RARB: variants seen among roughly 807,000 people sequenced by gnomAD.
The protein encoded by RARB is HBV-activated protein.
RARB carries 17 observed loss-of-function variants against 51.9 expected under a neutral mutation model. That is an observed-to-expected ratio of 0.33 (90% confidence interval 0.22 to 0.49). RARB has a LOEUF of 0.49. Ranked by LOEUF, RARB falls within the 20% of genes least tolerant of loss-of-function variation. RARB has a pLI of 0.99. For missense variants in RARB, 369 were observed against 550.8 expected, an observed-to-expected ratio of 0.67 and a Z score of 3.30; for synonymous variants, 215 against 195.4, an observed-to-expected ratio of 1.10 and a Z score of -0.84.
chr3:24,938,586 G>T (rs891984287), intron 2 of RARB, among the ~76,000 whole-genome samples: 1 of 152,116 alleles, frequency 6.6e-6, no homozygotes, highest in Non-Finnish European at 1.5e-5. Context: ...CATAAAAATA[G>T]TTAAAATGGT....
chr3:25,138,502 T>G (rs1559480088), intron 4 of RARB, among the ~76,000 whole-genome samples: 1 of 152,232 alleles, frequency 6.6e-6, no homozygotes, highest in East Asian at 1.9e-4. Context: ...TTTTACTGTT[T>G]CTATTTAAGC....
rs577731278 is a variant in RARB, at chr3:25,185,486, G to A, written c.178+10911G>A. Among the ~76,000 whole-genome samples the A allele has an allele frequency of 7.2e-4, 109 of 152,096 alleles. 1 individual carries two copies. In the South Asian group the frequency reaches 0.02, roughly 28 times the overall value. ...CTAACACTAATATTAATTGCTTAACGGTTGTGAAATTGGCCAACCAAAAAG... is the reference window on the plus strand; with the variant it reads ...CTAACACTAATATTAATTGCTTAACAGTTGTGAAATTGGCCAACCAAAAAG... On this transcript the variant is annotated intron_variant, in intron 5 of 11. Transcript: ENST00000383772.
Position 24,857,890 on chromosome 3 carries a change from C to A in RARB, c.-458-784C>A, listed in dbSNP as rs192279426. On this transcript the variant is annotated intron_variant, in intron 1 of 11. Coordinates refer to the RARB transcript ENST00000383772. The stretch of plus-strand genomic sequence containing the variant: ...ACAGTGAGCTGTTATTATGCCACTG[C>A]ACTCCAGCTTGAGCAACAGAGCAGC... 2.0e-5 allele frequency among the ~76,000 whole-genome samples: 3 copies of A among 152,314 alleles called. No individual in the cohort carries two copies. The East Asian group carries it at 5.8e-4, about 29-fold the overall frequency.
chr3:24,914,610 A>G (rs762990942), intron 2 of RARB, among the ~76,000 whole-genome samples: 14 of 152,186 alleles, frequency 9.2e-5, no homozygotes, highest in Non-Finnish European at 1.6e-4. Context: ...TATAACCTGC[A>G]CACATCGTCC....
At chr3:24,908,207 T>A (rs1033511617) in intron 2 of RARB, among the ~76,000 whole-genome samples, 6 of 152,220 alleles carry the variant, frequency 3.9e-5, no homozygotes, top group African/African-American at 1.4e-4. Flanking sequence ...CCTAGAGGTA[T>A]ACTTGGATTT....
At chr3:25,494,490 A>C (rs542354667) in intron 2 of RARB, among the ~76,000 whole-genome samples, 2 of 152,100 alleles carry the variant, frequency 1.3e-5, no homozygotes, top group African/African-American at 4.8e-5. Context: ...TAAATATTTT[A>C]TGTGTCTGCA....
chr3:25,034,384 C>CT (rs1697939420), intron 2 of RARB, among the ~76,000 whole-genome samples: 1 of 152,298 alleles, frequency 6.6e-6, no homozygotes, highest in South Asian at 2.1e-4. Flanking sequence ...AGCATTGTGA[C>CT]TTAAAGGATG....
chr3:25,062,662 A>C (rs1464299329), intron 3 of RARB, among the ~76,000 whole-genome samples: 1 of 151,962 alleles, frequency 6.6e-6, no homozygotes, highest in East Asian at 1.9e-4. Flanking sequence ...GCCAGTGCAA[A>C]AAAACACATA....
At chr3:25,124,096 C>T (rs9815901) in intron 3 of RARB, among the ~76,000 whole-genome samples, 1,608 of 152,222 alleles carry the variant, frequency 0.011, 25 homozygotes, top group African/African-American at 0.036. Context: ...GAGTCCAGGC[C>T]GGGCGCGGTG....
intron 2 of RARB, among the ~76,000 whole-genome samples, chr3:24,910,390 A>C (rs1165340047): frequency 1.3e-5 from 2 of 152,232 alleles, no homozygotes; most frequent in African/African-American, 4.8e-5. Flanking sequence ...AATGAAATTT[A>C]TCATCTCATT....
At chr3:25,333,862 G>T (rs1428875260) in intron 5 of RARB, among the ~76,000 whole-genome samples, 1 of 152,190 alleles carries the variant, frequency 6.6e-6, no homozygotes, top group Non-Finnish European at 1.5e-5. Flanking sequence ...CACAAAGTGG[G>T]CAAAGGACAT....
intron 5 of RARB, among the ~76,000 whole-genome samples, chr3:25,204,720 G>A (rs998889228): frequency 6.6e-6 from 1 of 152,192 alleles, no homozygotes; most frequent in African/African-American, 2.4e-5. Flanking sequence ...GGTATCAGCA[G>A]CAGAGGCTGC....
At chr3:24,932,831 C>G (rs549539535) in intron 2 of RARB, among the ~76,000 whole-genome samples, 11 of 152,090 alleles carry the variant, frequency 7.2e-5, no homozygotes, top group Non-Finnish European at 1.6e-4. Flanking sequence ...CACTGACTTA[C>G]AGAATTCATG....
At chr3:25,147,649 C>A (rs1700216436) in intron 4 of RARB, among the ~76,000 whole-genome samples, 1 of 152,036 alleles carries the variant, frequency 6.6e-6, no homozygotes, top group African/African-American at 2.4e-5. Context: ...TTATATAAGA[C>A]CTGACATTTG....
chr3:25,386,774 C>G (rs547548137), intron 5 of RARB, among the ~76,000 whole-genome samples: 38 of 152,340 alleles, frequency 2.5e-4, no homozygotes, highest in South Asian at 1.2e-3. Flanking sequence ...TCCCAAGAGA[C>G]TCTTCTGAAC....
At chr3:25,239,662 A>G (rs981717315) in intron 5 of RARB, among the ~76,000 whole-genome samples, 1 of 152,080 alleles carries the variant, frequency 6.6e-6, no homozygotes, top group African/African-American at 2.4e-5. Flanking sequence ...TGGTCTGCGC[A>G]TCTGTTTTTA....
intron 5 of RARB, chr3:25,324,307 C>T (rs1704651705): frequency 5.8e-6 from 1 of 171,938 alleles, no homozygotes; most frequent in African/African-American, 2.4e-5. Context: ...AAGAACTCAT[C>T]CTCAAGGAGG....
intron 3 of RARB, among the ~76,000 whole-genome samples, chr3:25,080,021 A>G (rs1698961953): frequency 6.6e-6 from 1 of 152,216 alleles, no homozygotes; most frequent in African/African-American, 2.4e-5. Context: ...ATGTTGTACA[A>G]CCATCATCAT....
At chr3:25,038,319 C>T (rs1278205152) in intron 2 of RARB, among the ~76,000 whole-genome samples, 3 of 151,952 alleles carry the variant, frequency 2.0e-5, no homozygotes, top group Non-Finnish European at 4.4e-5. Flanking sequence ...AATGGAAACA[C>T]TGCTGTTCAT....
Sources: gnomAD v4.1 joint callset for allele counts (sites outside exome capture counted in the v4.1 genomes callset) on GRCh38, gnomAD v4.1.1 for gene constraint, MANE v1.5 for transcripts, NCBI Gene and HGNC (gene_info 2026-07-23, HGNC 2026-07-21) for gene names.